The following IQCM variants were observed in gnomAD, a reference collection of about 807,000 sequenced individuals.
IQCM encodes IQ motif containing M.
A neutral mutation model predicts 57.6 loss-of-function variants in IQCM; 45 were observed. That is an observed-to-expected ratio of 0.78 (90% confidence interval 0.62 to 1.00). The LOEUF is 1.00. IQCM is among the 50% of genes least tolerant of loss of function. The pLI is 0.00. For missense variants in IQCM, 468 were observed against 511.6 expected (o/e 0.91, Z 0.82); for synonymous variants, 148 against 158.9 (o/e 0.93, Z 0.51).
At chr4:149,544,801 A>G (rs1276045055) in intron 12 of IQCM, among the ~76,000 whole-genome samples, 1 of 152,194 alleles carries the variant, frequency 6.6e-6, no homozygotes, top group Non-Finnish European at 1.5e-5. Flanking sequence ...GGGAAAGGAT[A>G]GTTTTTACAA....
chr4:149,676,544 C>G (rs1460436618), intron 7 of IQCM, among the ~76,000 whole-genome samples: 7 of 152,100 alleles, frequency 4.6e-5, no homozygotes, highest in Admixed American at 4.6e-4. Context: ...TATTATCCCC[C>G]CTCTACCCAA....
intron 5 of IQCM, among the ~76,000 whole-genome samples, 163 bp downstream of exon 5, chr4:149,733,081 C>G (rs768643310): frequency 1.1e-3 from 167 of 152,272 alleles, no homozygotes; most frequent in Non-Finnish European, 1.8e-3. Context: ...TCTGGTGGTG[C>G]CCAGAGATTA....
intron 12 of IQCM, among the ~76,000 whole-genome samples, chr4:149,448,928 C>A (rs1736791582): frequency 1.3e-5 from 2 of 151,546 alleles, no homozygotes; most frequent in South Asian, 4.1e-4. Context: ...CTTTGGAAGA[C>A]CTCAAAGATA....
At chr4:149,621,504 AG>A (rs2150074010) in intron 7 of IQCM, among the ~76,000 whole-genome samples, 1 of 152,280 alleles carries the variant, frequency 6.6e-6, no homozygotes, top group East Asian at 1.9e-4. Context: ...AGAAAACTAT[AG>A]GTTCATTCTC....
intron 5 of IQCM, among the ~76,000 whole-genome samples, chr4:149,694,692 G>C (rs1302810876): frequency 2.0e-5 from 3 of 152,076 alleles, no homozygotes; most frequent in African/African-American, 7.2e-5. Context: ...GTCAGAAAAG[G>C]GAGTGTGTTC....
At chr4:149,481,864 T>C (rs893476484) in intron 12 of IQCM, among the ~76,000 whole-genome samples, 3 of 151,680 alleles carry the variant, frequency 2.0e-5, no homozygotes, top group African/African-American at 7.3e-5. Context: ...CTTTGGGTAG[T>C]ATGGACATTT....
At chr4:149,797,731 A>C (rs1228811298) in intron 2 of IQCM, among the ~76,000 whole-genome samples, 1 of 152,042 alleles carries the variant, frequency 6.6e-6, no homozygotes, top group African/African-American at 2.4e-5. Context: ...GTCTAGCAGC[A>C]GACTTTTCAA....
rs1259646487 is a variant in IQCM, at chr4:149,742,642, C to G, written c.37+13G>C. The G allele has an allele frequency of 4.9e-6, 6 of 1,226,934 alleles. No homozygotes were observed. The highest frequency in any genetic ancestry group is 4.2e-5 in the Admixed American group (1 of 23,660). 76.0% of individuals were successfully genotyped at this position (1,226,934 alleles called of 1,614,324 possible). On this transcript the variant is annotated intron_variant, in intron 3 of 13. Transcript: ENST00000636793. Reference sequence around the variant, plus strand: ...TATGACTTGTACTATGTTAGGTAAGCACAGATACTCACATTTTGCTTTTTC... The same window carrying G: ...TATGACTTGTACTATGTTAGGTAAGGACAGATACTCACATTTTGCTTTTTC...
intron 7 of IQCM, among the ~76,000 whole-genome samples, chr4:149,636,101 C>T (rs1401746279): frequency 6.6e-6 from 1 of 151,972 alleles, no homozygotes; most frequent in Non-Finnish European, 1.5e-5. Context: ...ACGAACCAGA[C>T]AGTCTACAAA....
At chr4:149,671,905 T>G (rs2150180243) in intron 7 of IQCM, among the ~76,000 whole-genome samples, 1 of 152,246 alleles carries the variant, frequency 6.6e-6, no homozygotes, top group South Asian at 2.1e-4. Flanking sequence ...CAACTATGGG[T>G]GCCTCTCTGA....
intron 5 of IQCM, among the ~76,000 whole-genome samples, chr4:149,717,960 T>C (rs1765139699): frequency 1.3e-5 from 2 of 152,194 alleles, no homozygotes; most frequent in Admixed American, 6.5e-5. Flanking sequence ...GTTAGTAACA[T>C]GGTGGCCTCT....
At chr4:149,512,295 C>A (rs72726117) in intron 12 of IQCM, among the ~76,000 whole-genome samples, 22,297 of 152,094 alleles carry the variant, frequency 0.15, 2,058 homozygotes, top group South Asian at 0.33. Flanking sequence ...ATAGAAATAT[C>A]AAAGAAAGTG....
At chr4:149,430,682 G>C (rs1043085049) in intron 13 of IQCM, among the ~76,000 whole-genome samples, 1 of 151,836 alleles carries the variant, frequency 6.6e-6, no homozygotes, top group Non-Finnish European at 1.5e-5. Flanking sequence ...AAGGTATCCA[G>C]GTTTTTCTTT....
intron 8 of IQCM, among the ~76,000 whole-genome samples, chr4:149,601,194 C>T (rs1194980986): frequency 1.4e-5 from 1 of 73,068 alleles, no homozygotes; most frequent in East Asian, 4.2e-4. Flanking sequence ...ATAGATCGGG[C>T]TGGGACCTAA....
At chr4:149,429,854 AC>A in intron 13 of IQCM, 2 of 461,498 alleles carry the variant, frequency 4.3e-6, no homozygotes, top group Non-Finnish European at 7.0e-6. Context: ...CTGGTAACTT[AC>A]CCAAAGAAAA....
chr4:149,812,511 C>G (rs575445013), intron 2 of IQCM, among the ~76,000 whole-genome samples: 96 of 144,030 alleles, frequency 6.7e-4, no homozygotes, highest in African/African-American at 2.0e-3. Context: ...CAGACACACA[C>G]ACACACACAC....
intron 4 of IQCM, among the ~76,000 whole-genome samples, chr4:149,734,820 C>G (rs1342168546): frequency 6.6e-6 from 1 of 152,110 alleles, no homozygotes; most frequent in Non-Finnish European, 1.5e-5. Context: ...ACTCCTTCTT[C>G]TCACTTTCGA....
chr4:149,415,537 T>C (rs1251001450), intron 13 of IQCM, among the ~76,000 whole-genome samples: 1 of 152,132 alleles, frequency 6.6e-6, no homozygotes, highest in African/African-American at 2.4e-5. Context: ...CACCAAATGA[T>C]TGTTACTCTG....
At chr4:149,799,130 A>C (rs1773379209) in intron 2 of IQCM, among the ~76,000 whole-genome samples, 1 of 151,946 alleles carries the variant, frequency 6.6e-6, no homozygotes, top group African/African-American at 2.4e-5. Flanking sequence ...AAAAAATTAA[A>C]ATAATATCAA....
Sources: gnomAD v4.1 joint callset for allele counts (sites outside exome capture counted in the v4.1 genomes callset) on GRCh38, gnomAD v4.1.1 for gene constraint, MANE v1.5 for transcripts, NCBI Gene and HGNC (gene_info 2026-07-23, HGNC 2026-07-21) for gene names.